Variants in REV3L observed in about 807,000 individuals in gnomAD.
REV3L encodes DNA polymerase zeta catalytic subunit.
In REV3L, 69 loss-of-function variants were observed where a neutral mutation model predicts 299.4. The ratio of observed to expected loss-of-function variants is 0.23; its 90% CI spans 0.19 to 0.28. The LOEUF is 0.28. Ranked by LOEUF, REV3L falls within the 10% of genes least tolerant of loss-of-function variation. The pLI is 1.00. For missense variants in REV3L, 3,128 were observed against 3,693.8 expected (o/e 0.85, Z 3.97); for synonymous variants, 1,238 against 1,271.4 (o/e 0.97, Z 0.56).
chr6:111,434,338 G>A (rs746706773), intron 1 of REV3L, among the ~76,000 whole-genome samples: 8 of 152,150 alleles, frequency 5.3e-5, no homozygotes, highest in Non-Finnish European at 1.2e-4. Flanking sequence ...TAATGGTCCG[G>A]GCGTGGTGGC....
At position 111,343,923 on chromosome 6, in the gene REV3L, A is replaced by G; in HGVS notation, c.7538+2T>C. ...ACCTTCTTCAGAGTTATAGAACAGT[A>G]CCTGTATAGATCTGTCTTGTTATCA... is the stretch of plus-strand genomic sequence containing the variant. On this transcript the variant is annotated splice_donor_variant, in intron 21 of 31. Coordinates refer to ENST00000368802, the MANE Select transcript of REV3L (RefSeq NM_001372078.1). LOFTEE classifies it high-confidence loss of function. 6.5e-7 allele frequency: 1 copy of G among 1,527,392 alleles called. No individual in the cohort carries two copies. Among genetic ancestry groups the G allele is most frequent in the South Asian group, 1.2e-5 (1 of 86,112 alleles). The allele number at this position is 1,527,392 out of a possible 1,614,324, so 94.6% of individuals were successfully genotyped here. A position where few individuals can be genotyped will look rare whatever the true frequency, so the allele number is the denominator to read the frequency against.
At chr6:111,357,281 T>A (rs546223620) in intron 17 of REV3L, among the ~76,000 whole-genome samples, 156 bp from the exon 18 acceptor site, 12 of 152,224 alleles carry the variant, frequency 7.9e-5, no homozygotes, top group Non-Finnish European at 1.5e-4. Context: ...CATAACTAAC[T>A]CAATGTCTTT....
chr6:111,354,365 A>C (rs1777881847), intron 18 of REV3L, among the ~76,000 whole-genome samples: 1 of 152,148 alleles, frequency 6.6e-6, no homozygotes, highest in Admixed American at 6.5e-5. Flanking sequence ...ATTGAAAATA[A>C]CTTCGTCTCA....
At chr6:111,320,049 T>A (rs1773969171) in intron 26 of REV3L, among the ~76,000 whole-genome samples, 1 of 150,260 alleles carries the variant, frequency 6.7e-6, no homozygotes, top group African/African-American at 2.5e-5. Flanking sequence ...GTGCAGGGAT[T>A]ACAGGTGTGA....
intron 2 of REV3L, among the ~76,000 whole-genome samples, chr6:111,414,932 A>C (rs887024160): frequency 6.6e-6 from 1 of 152,066 alleles, no homozygotes; most frequent in Non-Finnish European, 1.5e-5. Context: ...GGTCTTTTCT[A>C]CCTTAATATC....
intron 1 of REV3L, among the ~76,000 whole-genome samples, chr6:111,425,499 T>G (rs1026292248): frequency 1.3e-5 from 2 of 152,062 alleles, no homozygotes; most frequent in African/African-American, 4.8e-5. Flanking sequence ...AATAAGCCCA[T>G]GAAAATCACT....
Position 111,474,994 on chromosome 6 carries a change from C to CAT in REV3L, c.139+7755_139+7756insAT, listed in dbSNP as rs1792750666. On this transcript the variant is annotated intron_variant, in intron 1 of 31. Transcript: ENST00000368802. ...TTCTATAGCTGCCTATATATACACA[C>CAT]ACACACACACACACACACACACACA... 1.6e-4 allele frequency among the ~76,000 whole-genome samples: 8 copies of CAT among 50,422 alleles called. No homozygotes were observed. The Admixed American group carries it at 1.7e-3, about 11-fold the overall frequency. The allele number at this position is 50,422 out of a possible 152,430, so 33.1% of individuals were successfully genotyped here. A position where few individuals can be genotyped will look rare whatever the true frequency, so the allele number is the denominator to read the frequency against.
At chr6:111,312,746 TG>T (rs1308836325) in intron 28 of REV3L, 1 of 152,220 alleles carries the variant, frequency 6.6e-6, no homozygotes, top group Non-Finnish European at 1.5e-5. Flanking sequence ...CTAGTAGAGA[TG>T]GGGTTTCACT....
At chr6:111,376,930 AGTTAC>A (rs921541507) in intron 12 of REV3L, among the ~76,000 whole-genome samples, 173 bp from the exon 13 acceptor site, 4 of 152,254 alleles carry the variant, frequency 2.6e-5, no homozygotes, top group African/African-American at 9.6e-5. Flanking sequence ...AAATATAGTT[AGTTAC>A]AATTATTAGT....
Position 111,375,040 on chromosome 6 carries a change from A to T in REV3L, c.3315T>A (p.Asp1105Glu). 6.2e-7 allele frequency: 1 copy of T among 1,614,076 alleles called. No homozygotes were observed. Among genetic ancestry groups the T allele is most frequent in the Non-Finnish European group, 8.5e-7 (1 of 1,179,950 alleles). The change falls in exon 13 of 32, where the codon GAT becomes GAA. Residue 1105 changes from aspartate to glutamate, a missense_variant. This residue lies in a region of REV3L where 2,409 missense variants were observed against 2,611.8 expected (regional missense o/e 0.92). Coordinates refer to ENST00000368802, the MANE Select transcript of REV3L (RefSeq NM_001372078.1). ...ETEDCDLNYSDVMSKLGFLSE... is the reference protein window; with the variant it reads ...ETEDCDLNYSEVMSKLGFLSE... ...AAAGAAAACCTAGTTTAGACATAAC[A>T]TCACTATAATTCAGGTCACAATCTT...
intron 26 of REV3L, among the ~76,000 whole-genome samples, chr6:111,317,742 C>A (rs1773690310): frequency 6.6e-6 from 1 of 152,178 alleles, no homozygotes; most frequent in Non-Finnish European, 1.5e-5. Context: ...AAGTGGAGGA[C>A]TGCTTGAGGC....
At chr6:111,308,426 A>G (rs1212999232) in intron 30 of REV3L, among the ~76,000 whole-genome samples, 1 of 152,228 alleles carries the variant, frequency 6.6e-6, no homozygotes, top group Non-Finnish European at 1.5e-5. Context: ...AGCCTATTTT[A>G]TAATAAAGTG....
chr6:111,461,123 C>T (rs1283361314), intron 1 of REV3L, among the ~76,000 whole-genome samples: 2 of 151,970 alleles, frequency 1.3e-5, no homozygotes, highest in Non-Finnish European at 2.9e-5. Flanking sequence ...GTAAAACAGC[C>T]TCAGGTAAGT....
intron 16 of REV3L, 62 bp downstream of exon 16, chr6:111,363,791 T>A: frequency 6.5e-7 from 1 of 1,544,118 alleles, no homozygotes; most frequent in Non-Finnish European, 8.8e-7. Context: ...ATACTTGTTT[T>A]ATAGAATAAA....
chr6:111,322,994 C>CTTTT (rs780823778), intron 25 of REV3L, among the ~76,000 whole-genome samples: 1 of 117,716 alleles, frequency 8.5e-6, no homozygotes, highest in African/African-American at 2.7e-5. Context: ...TATTCAAGAA[C>CTTTT]TTTTTTTTTT....
chr6:111,389,183 TGTAGAC>T lies in REV3L; in HGVS notation c.779_784del (p.Gly260_Gln262delinsGlu), dbSNP rs1562238446. On this transcript the variant is annotated inframe_deletion, in exon 7 of 32. Transcript: ENST00000368802. ...TTGCTTTTCATCTTCCCATATGGCC[TGTAGAC>T]CAGGGTTTCCACCAATTTGAGCTGT... 6.2e-7 allele frequency: 1 copy of T among 1,613,940 alleles called. No individual in the cohort carries two copies. The highest frequency in any genetic ancestry group is 8.5e-7 in the Non-Finnish European group (1 of 1,179,886).
chr6:111,366,974 G>A (rs191515127), intron 14 of REV3L, 141 bp downstream of exon 14: 39 of 598,154 alleles, frequency 6.5e-5, no homozygotes, highest in African/African-American at 6.4e-4. Flanking sequence ...GCCATGTGAC[G>A]ACTTTCTAAG....
intron 1 of REV3L, among the ~76,000 whole-genome samples, chr6:111,481,496 T>C (rs937891730): frequency 1.3e-5 from 2 of 152,210 alleles, no homozygotes; most frequent in South Asian, 2.1e-4. Context: ...TCTCACAACA[T>C]TGACATTTTA....
chr6:111,339,821 C>CA (rs1376200744), intron 21 of REV3L, among the ~76,000 whole-genome samples: 6 of 152,062 alleles, frequency 3.9e-5, no homozygotes, highest in Non-Finnish European at 8.8e-5. Context: ...AACCATATAA[C>CA]ATAAAAGAGA....
Sources: allele counts gnomAD v4.1 joint callset (sites outside exome capture counted in the v4.1 genomes callset), GRCh38; gene constraint gnomAD v4.1.1; regional missense constraint gnomAD v4.1.1; transcripts MANE v1.5; gene names NCBI Gene and HGNC (gene_info 2026-07-23, HGNC 2026-07-21).